SPIDR: variants seen among roughly 807,000 people sequenced by gnomAD.
SPIDR encodes the protein scaffold protein involved in DNA repair.
In SPIDR, 93 loss-of-function variants were observed where a neutral mutation model predicts 104.6. That is an observed-to-expected ratio of 0.89 (90% CI 0.75 to 1.06). SPIDR has a LOEUF of 1.06. SPIDR is among the 50% of genes least tolerant of loss of function. SPIDR has a pLI of 0.00. For synonymous variants in SPIDR, 431 were observed against 416.9 expected (o/e 1.03, Z -0.41); for missense variants, 1,154 against 1,111.2 (o/e 1.04, Z -0.55).
intron 16 of SPIDR, among the ~76,000 whole-genome samples, chr8:47,714,979 C>T (rs1194764172): frequency 6.6e-6 from 1 of 152,108 alleles, no homozygotes; most frequent in African/African-American, 2.4e-5. Flanking sequence ...CTATAATTCA[C>T]TCCTTTAAAG....
chr8:47,537,283 C>T (rs2087083165), intron 8 of SPIDR, among the ~76,000 whole-genome samples: 2 of 152,178 alleles, frequency 1.3e-5, no homozygotes, highest in South Asian at 4.1e-4. Context: ...CAGCTTTATT[C>T]ATAATTACCA....
At position 47,658,664 on chromosome 8, in the gene SPIDR, G is replaced by A. The variant is rs527520157; in HGVS notation, c.1545-15137G>A. Among the ~76,000 whole-genome samples, 17 of 151,988 alleles carry A rather than the reference G, an allele frequency of 1.1e-4. No homozygotes were observed. In the South Asian group the frequency reaches 3.3e-3, roughly 30 times the overall value. ...AAAAGGCCTTTCTCGGCCAGACTTG[G>A]TGGCTCACGCCTGTAATCCCAGCAC... is the stretch of plus-strand genomic sequence containing the variant. On this transcript the variant is annotated intron_variant, in intron 10 of 19. Transcript: ENST00000297423.
intron 5 of SPIDR, among the ~76,000 whole-genome samples, chr8:47,395,606 T>A (rs1259201444): frequency 2.6e-5 from 4 of 152,220 alleles, no homozygotes; most frequent in African/African-American, 9.6e-5. Flanking sequence ...GCATGTGTCT[T>A]GGCAAAGACA....
At chr8:47,411,020 T>C (rs949376325) in intron 7 of SPIDR, among the ~76,000 whole-genome samples, 9 of 152,246 alleles carry the variant, frequency 5.9e-5, no homozygotes, top group Non-Finnish European at 1.3e-4. Flanking sequence ...TAGTATTTCA[T>C]GGTGTATATA....
chr8:47,272,974 G>A (rs1441083508), intron 1 of SPIDR, among the ~76,000 whole-genome samples: 1 of 152,090 alleles, frequency 6.6e-6, no homozygotes, highest in Non-Finnish European at 1.5e-5. Context: ...CCATAAAAAG[G>A]AAAAACAAAC....
rs796227454 is a variant in SPIDR at position 47,658,956 on chromosome 8, A to C, written c.1545-14845A>C. 4.6e-5 allele frequency among the ~76,000 whole-genome samples: 7 copies of C among 151,396 alleles called. No individual in the cohort carries two copies. The South Asian group carries it at 1.5e-3, about 32-fold the overall frequency. On this transcript the variant is annotated intron_variant, in intron 10 of 19. Coordinates refer to ENST00000297423, the MANE Select transcript of SPIDR (RefSeq NM_001080394.4). ...CATCTCCATCTCAAAAAAAAAAAAA[A>C]AAAAGAAAAGACTCTTCTCAGCGCC...
At chr8:47,697,472 G>A (rs2079503623) in intron 11 of SPIDR, among the ~76,000 whole-genome samples, 1 of 152,004 alleles carries the variant, frequency 6.6e-6, no homozygotes, top group Non-Finnish European at 1.5e-5. Context: ...AAATACACTG[G>A]TTACTATAAT....
chr8:47,510,928 C>A (rs192035039), intron 8 of SPIDR: 8 of 563,920 alleles, frequency 1.4e-5, no homozygotes, highest in Non-Finnish European at 3.2e-6. Flanking sequence ...AGATGTCACA[C>A]TGGACTACTG....
intron 10 of SPIDR, among the ~76,000 whole-genome samples, chr8:47,619,668 T>C (rs1447973733): frequency 6.6e-6 from 1 of 151,596 alleles, no homozygotes; most frequent in East Asian, 1.9e-4. Context: ...CTAGGCCCAG[T>C]CATGGCTCAC....
chr8:47,678,038 CAA>C (rs532756664), intron 11 of SPIDR, among the ~76,000 whole-genome samples: 33 of 107,748 alleles, frequency 3.1e-4, no homozygotes, highest in Non-Finnish European at 1.6e-4. Context: ...ACCTCCACCT[CAA>C]AAAAAAAAAA....
At chr8:47,274,020 G>A (rs919054375) in intron 1 of SPIDR, among the ~76,000 whole-genome samples, 1 of 152,080 alleles carries the variant, frequency 6.6e-6, no homozygotes. Context: ...CCATTCTCAA[G>A]TTATCTAGGG....
chr8:47,679,504 C>A (rs995758741), intron 11 of SPIDR, among the ~76,000 whole-genome samples: 6 of 150,816 alleles, frequency 4.0e-5, no homozygotes, highest in Admixed American at 6.6e-5. Context: ...TACCTCCCCC[C>A]ACCCCTTCCA....
chr8:47,441,707 A>C (rs2069477196), intron 8 of SPIDR, among the ~76,000 whole-genome samples: 1 of 152,118 alleles, frequency 6.6e-6, no homozygotes, highest in South Asian at 2.1e-4. Context: ...TCATAGATAG[A>C]AAGGTTTTCC....
chr8:47,460,762 T>G (rs2073806969), intron 8 of SPIDR, among the ~76,000 whole-genome samples: 1 of 152,206 alleles, frequency 6.6e-6, no homozygotes, highest in African/African-American at 2.4e-5. Flanking sequence ...CCTGTGAGAC[T>G]TATGCTTTAA....
chr8:47,348,490 G>T (rs1477983937), intron 5 of SPIDR, among the ~76,000 whole-genome samples: 1 of 152,100 alleles, frequency 6.6e-6, no homozygotes, highest in Non-Finnish European at 1.5e-5. Context: ...TTTGAATGTT[G>T]ACCTGCCTTG....
intron 5 of SPIDR, among the ~76,000 whole-genome samples, chr8:47,371,131 T>G (rs1193456127): frequency 6.6e-6 from 1 of 151,206 alleles, no homozygotes; most frequent in Non-Finnish European, 1.5e-5. Context: ...CAAGCAGGTT[T>G]TTTTTTTTTT....
At chr8:47,506,977 G>A (rs891957423) in intron 8 of SPIDR, among the ~76,000 whole-genome samples, 16 of 152,162 alleles carry the variant, frequency 1.1e-4, no homozygotes, top group African/African-American at 3.4e-4. Flanking sequence ...CTTTGCTAAT[G>A]AGCCCACTAA....
chr8:47,481,604 C>T (rs1488052916), intron 8 of SPIDR, among the ~76,000 whole-genome samples: 1 of 152,214 alleles, frequency 6.6e-6, no homozygotes, highest in Non-Finnish European at 1.5e-5. Flanking sequence ...TTGCTTACCA[C>T]TGTATTTCTG....
intron 5 of SPIDR, among the ~76,000 whole-genome samples, chr8:47,358,195 C>G (rs2054950635): frequency 6.6e-6 from 1 of 152,184 alleles, no homozygotes; most frequent in Non-Finnish European, 1.5e-5. Flanking sequence ...AAGGAATCCT[C>G]TAGCCTCAGC....
Sources: gnomAD v4.1 joint callset for allele counts (sites outside exome capture counted in the v4.1 genomes callset) on GRCh38, gnomAD v4.1.1 for gene constraint, MANE v1.5 for transcripts, NCBI Gene and HGNC (gene_info 2026-07-23, HGNC 2026-07-21) for gene names.